Variants in ECE2 observed in about 807,000 individuals in gnomAD.
The protein encoded by ECE2 is endothelin converting enzyme 2.
In ECE2, 81 loss-of-function variants were observed where a neutral mutation model predicts 100.6. The ratio of observed to expected loss-of-function variants is 0.81; its 90% CI spans 0.67 to 0.97. The LOEUF (loss-of-function observed/expected upper bound fraction) is 0.97, where lower values mean the gene tolerates loss of function less well. ECE2 is among the 50% of genes least tolerant of loss of function. The pLI is 0.00. For synonymous variants in ECE2, 391 were observed against 391.5 expected (o/e 1.00, Z 0.02); for missense variants, 911 against 988.1 (o/e 0.92, Z 1.05).
chr3:184,277,989 C>T lies in ECE2; in HGVS notation c.543C>T (p.Cys181=). The T allele has an allele frequency of 6.2e-7, 1 of 1,613,940 alleles. No homozygotes were observed. The highest frequency in any genetic ancestry group is 8.5e-7 in the Non-Finnish European group (1 of 1,180,024). The change falls in exon 5 of 19, where the codon TGC becomes TGT. Residue 181 remains cysteine (C), a synonymous_variant. Transcript: ENST00000404464. ...AGACACAGCGCTTCTACCTATCTTG[C>T]CTACAGGTGGAGCGCATTGAGGAGC... ...EQKTQRFYLS[C]LQVERIEELG...
In ECE2 at chr3:184,290,653, C is replaced by A; in HGVS notation, c.1752C>A (p.Ala584=). The A allele has an allele frequency of 6.2e-7, 1 of 1,614,092 alleles. No individual in the cohort carries two copies. The highest frequency in any genetic ancestry group is 1.1e-5 in the South Asian group (1 of 91,058). ...GCATCCTGCAGGCCCCCTTCTATGC[C>A]CGCAACCACCCCAAGTGTGTCTGAA... is the stretch of plus-strand genomic sequence containing the variant. ...PAGILQAPFY[A]RNHPKALNFG... Residue 584 remains alanine, a synonymous_variant, in exon 15 of 19, where the codon GCC becomes GCA. Transcript: ENST00000404464.
rs749067889 is a variant in ECE2, at chr3:184,292,058, G to A, written c.2122-4G>A. 62 of 1,609,246 alleles carry A rather than the reference G, an allele frequency of 3.9e-5. No individual in the cohort carries two copies. Among genetic ancestry groups the A allele is most frequent in the Non-Finnish European group, 5.0e-5 (59 of 1,176,708 alleles). ...TATGCCCCCATGTCTGTCCTGGCCCGCAGGTGTGGTGCTCGGTCCGCACAC... is the reference window on the plus strand; with the variant it reads ...TATGCCCCCATGTCTGTCCTGGCCCACAGGTGTGGTGCTCGGTCCGCACAC... On this transcript the variant is annotated splice_polypyrimidine_tract_variant and splice_region_variant and intron_variant, in intron 18 of 18. Transcript: ENST00000404464.
rs56080981 is a variant in ECE2, at chr3:184,278,051, T to C, written c.603+2T>C. ...CCACTGAGAGACCTCATTGAGAAGG[T>C]AGGGCCACTGAGCCGGTTGAGGGCA... is the stretch of plus-strand genomic sequence containing the variant. On this transcript the variant is annotated splice_donor_variant, in intron 5 of 18. Transcript: ENST00000404464. LOFTEE classifies it high-confidence loss of function. 148 of 1,613,710 alleles carry C rather than the reference T, an allele frequency of 9.2e-5. No homozygotes were observed. The highest frequency in any genetic ancestry group is 9.8e-5 in the Non-Finnish European group (116 of 1,179,948).
Position 184,289,111 on chromosome 3 carries a change from C to T in ECE2, c.1375-326C>T, listed in dbSNP as rs138171904. On this transcript the variant is annotated intron_variant, in intron 11 of 18. Coordinates refer to ENST00000404464, the MANE Select transcript of ECE2 (RefSeq NM_001100121.2). The surrounding 1 kb of genome is among the most constrained non-coding windows in gnomAD (Gnocchi z 4.1). The stretch of plus-strand genomic sequence containing the variant: ...CGGAGGTTGCAGTGAGCCGAGATTG[C>T]GCCACTGCACTCCATCCTAGGTAAC... 0.013 allele frequency among the ~76,000 whole-genome samples: 1,896 copies of T among 150,952 alleles called. 39 individuals are homozygous for T. The highest frequency in any genetic ancestry group is 0.043 in the African/African-American group (1,765 of 41,004).
chr3:184,284,529 C>G (rs574583999), intron 8 of ECE2, among the ~76,000 whole-genome samples: 3 of 132,814 alleles, frequency 2.3e-5, no homozygotes, highest in African/African-American at 8.7e-5. Context: ...GTGACAAGAG[C>G]GAAACTCCAT....
At position 184,277,936 on chromosome 3, in the gene ECE2, T is replaced by C. The variant is rs1308326413; in HGVS notation, c.490T>C (p.Phe164Leu). 6.2e-7 allele frequency: 1 copy of C among 1,612,322 alleles called. No homozygotes were observed. Among genetic ancestry groups the C allele is most frequent in the South Asian group, 1.1e-5 (1 of 91,012 alleles). ...ILKHLLENTT[F>L]NSSSEAEQKT... ...GTTCTGCCCCACAGAAAACACCACC[T>C]TCAACTCCAGCAGTGAAGCTGAGCA... The change falls in exon 5 of 19, where the codon TTC becomes CTC. Residue 164 changes from phenylalanine (F) to leucine (L), a missense_variant. Coordinates refer to ENST00000404464, the MANE Select transcript of ECE2 (RefSeq NM_001100121.2).
rs771432150 is a variant in ECE2, at chr3:184,276,981, A to G, written c.216A>G (p.Ala72=). The change falls in exon 3 of 19, where the codon GCA becomes GCG. Residue 72 remains alanine, a synonymous_variant. Transcript: ENST00000404464. ...VLAGASLLLA[A]LLLGCLVALG... ...CAGGTGCCTCTCTACTGCTGGCTGC[A>G]CTGCTTCTGGGCTGCCTTGTGGCCC... The G allele has an allele frequency of 6.2e-7, 1 of 1,614,058 alleles. No individual in the cohort carries two copies. Among genetic ancestry groups the G allele is most frequent in the South Asian group, 1.1e-5 (1 of 91,086 alleles).
rs1421483431 is a variant in ECE2 at position 184,289,980 on chromosome 3, C to CA, written c.1551+266dup. ...TCTACCTCTAACTTTGTAACCTTAACAAAATCTCTCTAGGCCTTGGTTTCA... is the reference window on the plus strand; with the variant it reads ...TCTACCTCTAACTTTGTAACCTTAACAAAAATCTCTCTAGGCCTTGGTTTCA... On this transcript the variant is annotated intron_variant, in intron 13 of 18. Coordinates refer to ENST00000404464, the MANE Select transcript of ECE2 (RefSeq NM_001100121.2). The surrounding 1 kb of genome is among the most constrained non-coding windows in gnomAD (Gnocchi z 4.1). Among the ~76,000 whole-genome samples, 1 of 152,132 alleles carries CA rather than the reference C, an allele frequency of 6.6e-6. No individual in the cohort carries two copies. Among genetic ancestry groups the CA allele is most frequent in the African/African-American group, 2.4e-5 (1 of 41,426 alleles).
In ECE2 at chr3:184,289,087, G is replaced by A. The variant is rs571612688; in HGVS notation, c.1375-350G>A. 5.3e-5 allele frequency among the ~76,000 whole-genome samples: 8 copies of A among 151,770 alleles called. No individual in the cohort carries two copies. The South Asian group carries it at 6.2e-4, about 12-fold the overall frequency. On this transcript the variant is annotated intron_variant, in intron 11 of 18. Coordinates refer to ENST00000404464, the MANE Select transcript of ECE2 (RefSeq NM_001100121.2). This position sits in a 1 kb window ranked among gnomAD's most constrained non-coding sequence, Gnocchi z 4.1. ...GGAGAATCGCTTGAACTCGGGAGGC[G>A]GAGGTTGCAGTGAGCCGAGATTGCG...
rs1721377480 is a variant in ECE2, at chr3:184,292,514, A to G, written c.*276A>G. ...GGTCTGGGTGGGGAGGCCAGTTCCCATAGGAAGGAGTCTGCCTCTTCTGTC... is the reference window on the plus strand; with the variant it reads ...GGTCTGGGTGGGGAGGCCAGTTCCCGTAGGAAGGAGTCTGCCTCTTCTGTC... On this transcript the variant is annotated 3_prime_UTR_variant, in exon 19 of 19. Transcript: ENST00000404464. 4 of 491,386 alleles carry G rather than the reference A, an allele frequency of 8.1e-6. No homozygotes were observed. The highest frequency in any genetic ancestry group is 5.8e-5 in the African/African-American group (3 of 51,934). The allele number at this position is 491,386 out of a possible 1,614,324, so 30.4% of individuals were successfully genotyped here.
Position 184,292,196 on chromosome 3 carries a change from C to A in ECE2, c.2256C>A (p.Val752=), listed in dbSNP as rs778542107. The change falls in exon 19 of 19, where the codon GTC becomes GTA. Residue 752 remains valine (V), a synonymous_variant. Coordinates refer to ENST00000404464, the MANE Select transcript of ECE2 (RefSeq NM_001100121.2). ...RDFLRHFGCP[V]GSPMNPGQLC... ...TCCTGCGGCACTTCGGCTGCCCTGT[C>A]GGCTCCCCCATGAACCCAGGGCAGC... is the stretch of plus-strand genomic sequence containing the variant. 35 of 1,614,014 alleles carry A rather than the reference C, an allele frequency of 2.2e-5. No homozygotes were observed. Among genetic ancestry groups the A allele is most frequent in the Admixed American group, 1.0e-4 (6 of 60,010 alleles).
At chr3:184,277,181 T>C in intron 3 of ECE2, 70 bp from the exon 4 acceptor site, 1 of 1,606,916 alleles carries the variant, frequency 6.2e-7, no homozygotes. Flanking sequence ...TCATGGCCCT[T>C]GCAGAGTTTG....
At chr3:184,282,835 C>A (rs536299958) in intron 7 of ECE2, among the ~76,000 whole-genome samples, 19 of 152,316 alleles carry the variant, frequency 1.2e-4, no homozygotes, top group African/African-American at 4.6e-4. Context: ...GGAAAAGATA[C>A]ACTGTATGGA....
In ECE2 at chr3:184,290,647, C is replaced by T; in HGVS notation, c.1746C>T (p.Phe582=). The T allele has an allele frequency of 1.2e-6, 2 of 1,614,188 alleles. No individual in the cohort carries two copies. The highest frequency in any genetic ancestry group is 1.1e-5 in the South Asian group (1 of 91,074). The change falls in exon 15 of 19, where the codon TTC becomes TTT. Residue 582 remains phenylalanine (F), a synonymous_variant. Transcript: ENST00000404464. ...VFPAGILQAP[F]YARNHPKALN... ...CCGCTGGCATCCTGCAGGCCCCCTTCTATGCCCGCAACCACCCCAAGTGTG... is the reference window on the plus strand; with the variant it reads ...CCGCTGGCATCCTGCAGGCCCCCTTTTATGCCCGCAACCACCCCAAGTGTG...
chr3:184,285,272 T>G (rs910382940), intron 9 of ECE2, among the ~76,000 whole-genome samples, 167 bp downstream of exon 9: 2 of 152,052 alleles, frequency 1.3e-5, no homozygotes, highest in Non-Finnish European at 2.9e-5. Context: ...GGTTGCAGGG[T>G]GCTCCCTGTG....
Position 184,292,137 on chromosome 3 carries a change from C to G in ECE2, c.2197C>G (p.Arg733Gly). The G allele has an allele frequency of 6.2e-7, 1 of 1,614,052 alleles. No individual in the cohort carries two copies. The highest frequency in any genetic ancestry group is 8.5e-7 in the Non-Finnish European group (1 of 1,180,020). The change falls in exon 19 of 19, where the codon CGC becomes GGC. Residue 733 changes from arginine to glycine, a missense_variant. Coordinates refer to ENST00000404464, the MANE Select transcript of ECE2 (RefSeq NM_001100121.2). ...CGACCCCCACAGCCCTGCCCGCTTC[C>G]GCGTGCTGGGCACTCTCTCCAACTC... ...VTDPHSPARF[R>G]VLGTLSNSRD...
intron 8 of ECE2, 51 bp from the exon 9 acceptor site, chr3:184,284,912 T>C: frequency 6.3e-7 from 1 of 1,593,754 alleles, no homozygotes; most frequent in Non-Finnish European, 8.5e-7. Flanking sequence ...TGGGGGAGGG[T>C]TCTGCTGGAA....
At chr3:184,283,727 A>T in intron 7 of ECE2, 58 bp from the exon 8 acceptor site, 1 of 1,568,494 alleles carries the variant, frequency 6.4e-7, no homozygotes. Context: ...GTAAGAACAG[A>T]TCTCAGCCTT....
At chr3:184,276,776 C>A in intron 2 of ECE2, 116 bp from the exon 3 acceptor site, 1 of 1,557,562 alleles carries the variant, frequency 6.4e-7, no homozygotes, top group South Asian at 1.2e-5. Context: ...GGCCTCATTG[C>A]CCCCGGGCCC....
Sources: gnomAD v4.1 joint callset for allele counts (sites outside exome capture counted in the v4.1 genomes callset) on GRCh38, gnomAD v4.1.1 for gene constraint, Gnocchi (gnomAD v3.1) non-coding constraint, MANE v1.5 for transcripts, NCBI Gene and HGNC (gene_info 2026-07-23, HGNC 2026-07-21) for gene names.